The following TMEM164 variants were observed in gnomAD, a reference collection of about 807,000 sequenced individuals.
TMEM164 encodes the protein transmembrane protein 164, also known as RP13-360B22.2.
In TMEM164, 4 loss-of-function variants were observed where a neutral mutation model predicts 18.8. The observed-to-expected ratio is 0.21, with a 90% CI of 0.10 to 0.49. The LOEUF (loss-of-function observed/expected upper bound fraction) is 0.49. Among genes scored for constraint, TMEM164 ranks in the 20% least tolerant of loss-of-function variants. The pLI, the probability that TMEM164 is intolerant of heterozygous loss-of-function variation, is 0.98. For synonymous variants in TMEM164, 86 were observed against 101.7 expected, an observed-to-expected ratio of 0.85 and a Z score of 0.93; for missense variants, 108 against 239.9, an observed-to-expected ratio of 0.45 and a Z score of 3.63.
intron 2 of TMEM164, among the ~76,000 whole-genome samples, chrX:110,006,797 A>G (rs1243111991): frequency 4.4e-5 from 5 of 112,648 alleles, no homozygotes. Flanking sequence ...AACAGTGTAT[A>G]TTCCAAAGAG....
At chrX:110,028,140 T>C (rs1270399989) in intron 2 of TMEM164, among the ~76,000 whole-genome samples, 1 of 112,540 alleles carries the variant, frequency 8.9e-6, no homozygotes, top group African/African-American at 3.2e-5. Flanking sequence ...CCATTTTGTC[T>C]AAATTTTCAA....
At chrX:110,143,824 T>TGTGTGTGTGTACAC (rs1379824060) in intron 4 of TMEM164, among the ~76,000 whole-genome samples, 3 of 110,507 alleles carry the variant, frequency 2.7e-5, no homozygotes, top group Non-Finnish European at 5.7e-5. Flanking sequence ...TGTGTGTGTG[T>TGTGTGTGTGTACAC]GTGTGTGTGT....
intron 3 of TMEM164, among the ~76,000 whole-genome samples, chrX:110,098,155 T>TA (rs2147942048): frequency 8.9e-6 from 1 of 112,352 alleles, no homozygotes; most frequent in East Asian, 2.8e-4. Flanking sequence ...AATGGAACCT[T>TA]ACAGTGTGTA....
At chrX:110,050,282 T>C (rs937283888) in intron 2 of TMEM164, among the ~76,000 whole-genome samples, 8 of 111,704 alleles carry the variant, frequency 7.2e-5, no homozygotes, top group African/African-American at 2.6e-4. Flanking sequence ...CCTCATAATG[T>C]GGCAAAACAC....
chrX:110,004,279 G>T (rs1045918528), intron 2 of TMEM164, 115 bp downstream of exon 2: 35 of 939,391 alleles, frequency 3.7e-5, no homozygotes, highest in Non-Finnish European at 4.6e-5. Context: ...CTTTAAAAAT[G>T]ATTTTCCAAC....
At chrX:110,087,807 T>A (rs1261403275) in intron 3 of TMEM164, among the ~76,000 whole-genome samples, 1 of 111,914 alleles carries the variant, frequency 8.9e-6, no homozygotes, top group African/African-American at 3.3e-5. Flanking sequence ...GGATCTGTGA[T>A]GCAAATAGGA....
chrX:110,032,190 C>A (rs1380454524), intron 2 of TMEM164, among the ~76,000 whole-genome samples: 1 of 112,017 alleles, frequency 8.9e-6, no homozygotes, highest in East Asian at 2.8e-4. Flanking sequence ...TTTAGGTACA[C>A]ACATCCTGAT....
At chrX:110,179,277 G>A (rs1265165010), downstream of TMEM164, among the ~76,000 whole-genome samples, 1 of 111,770 alleles carries the variant, frequency 8.9e-6, no homozygotes, top group Non-Finnish European at 1.9e-5. Context: ...CAGTGCATCT[G>A]CCCCTACCAC....
chrX:110,040,305 A>G (rs1400723456), intron 2 of TMEM164, among the ~76,000 whole-genome samples: 1 of 111,898 alleles, frequency 8.9e-6, no homozygotes, highest in African/African-American at 3.3e-5. Context: ...TTGGTTGTTA[A>G]ATCTTGATTT....
intron 3 of TMEM164, among the ~76,000 whole-genome samples, chrX:110,107,273 C>T (rs1257579704): frequency 1.8e-5 from 2 of 111,683 alleles, no homozygotes; most frequent in East Asian, 5.6e-4. Flanking sequence ...TGAATTCTGA[C>T]TCTACTCTCT....
intron 2 of TMEM164, among the ~76,000 whole-genome samples, chrX:110,044,425 G>A (rs983689423): frequency 9.6e-6 from 1 of 104,187 alleles, no homozygotes; most frequent in African/African-American, 3.5e-5. Context: ...AATCTGTCAG[G>A]TTTTTTTTTT....
rs1262400062 is a variant in TMEM164 at position 110,173,293 on chromosome X, C to T, written c.736C>T (p.Pro246Ser). The T allele has an allele frequency of 8.3e-7, 1 of 1,209,280 alleles. No homozygotes were observed. The highest frequency in any genetic ancestry group is 1.8e-5 in the African/African-American group (1 of 56,854). ...NNMLCPAISD[P>S]FYGPWYRIWA... ...CATGCTGTGTCCGGCCATCTCAGAC[C>T]CATTCTACGGCCCCTGGTATCGCAT... Residue 246 changes from proline to serine, a missense_variant, in exon 7 of 7, where the codon CCA becomes TCA. Physicochemically the swap from Pro to Ser is moderately conservative, Grantham distance 74. Coordinates refer to ENST00000372068, the MANE Select transcript of TMEM164 (RefSeq NM_032227.4).
intron 3 of TMEM164, among the ~76,000 whole-genome samples, chrX:110,077,320 A>G (rs781699636): frequency 2.1e-4 from 23 of 111,647 alleles, no homozygotes; most frequent in Non-Finnish European, 4.1e-4. Context: ...ATTTCTCTCT[A>G]TCCCATTACT....
In TMEM164 at chrX:110,032,430, C is replaced by CTGT. The variant is rs767035422; in HGVS notation, c.390+28283_390+28285dup. ...ACTGACACAATGGTATCCTGTGCCT[C>CTGT]TGTTGTTGTTGTTGTTGTTTTTTTT... On this transcript the variant is annotated intron_variant, in intron 2 of 6. Coordinates refer to ENST00000372068, the MANE Select transcript of TMEM164 (RefSeq NM_032227.4). Among the ~76,000 whole-genome samples, 8 of 111,277 alleles carry CTGT rather than the reference C, an allele frequency of 7.2e-5. No individual in the cohort carries two copies. The East Asian group carries it at 1.1e-3, about 16-fold the overall frequency.
rs4035483 is a variant in TMEM164, at chrX:110,126,810, CTGTGTGTGTGTG to C, written c.507+17707_507+17718del. Reference sequence around the variant, plus strand: ...GGTTTATTTCCTGGCTGGGCCACTCCTGTGTGTGTGTGTGTGTGTGTGTGTGTGTGTGTGTGT... The same window carrying C: ...GGTTTATTTCCTGGCTGGGCCACTCCTGTGTGTGTGTGTGTGTGTGTGTGT... On this transcript the variant is annotated intron_variant, in intron 4 of 6. Transcript: ENST00000372068. 8.5e-3 allele frequency among the ~76,000 whole-genome samples: 591 copies of C among 69,566 alleles called. 8 individuals are homozygous for C. The highest frequency in any genetic ancestry group is 0.03 in the African/African-American group (515 of 17,284). 60.4% of individuals were successfully genotyped at this position (69,566 alleles called of 115,157 possible). A position where few individuals can be genotyped will look rare whatever the true frequency, so the allele number is the denominator to read the frequency against.
At chrX:110,082,380 C>T (rs1171636135) in intron 3 of TMEM164, among the ~76,000 whole-genome samples, 3 of 111,726 alleles carry the variant, frequency 2.7e-5, no homozygotes, top group Admixed American at 9.5e-5. Flanking sequence ...TGTTCTGTAT[C>T]TCTTTGAATC....
intron 3 of TMEM164, among the ~76,000 whole-genome samples, chrX:110,095,992 C>T (rs2066011958): frequency 3.6e-5 from 4 of 112,397 alleles, no homozygotes; most frequent in African/African-American, 1.3e-4. Context: ...GCGGAGGCTG[C>T]AGAACAGCAA....
intron 2 of TMEM164, among the ~76,000 whole-genome samples, chrX:110,038,429 C>T (rs1170983258): frequency 9.0e-6 from 1 of 111,509 alleles, no homozygotes; most frequent in Non-Finnish European, 1.9e-5. Context: ...CACTTTGGCT[C>T]AGGGAGATGG....
chrX:110,179,772 C>T, downstream of TMEM164, among the ~76,000 whole-genome samples: 1 of 112,247 alleles, frequency 8.9e-6, no homozygotes, highest in East Asian at 2.8e-4. Context: ...AGACATTAAG[C>T]TCCTTGAGGG....
Sources: allele counts gnomAD v4.1 joint callset (sites outside exome capture counted in the v4.1 genomes callset), GRCh38; gene constraint gnomAD v4.1.1; transcripts MANE v1.5; gene names NCBI Gene and HGNC (gene_info 2026-07-23, HGNC 2026-07-21).